CD38: variants seen among roughly 807,000 people sequenced by gnomAD.
CD38 encodes the protein CD38 molecule.
CD38 carries 31 observed loss-of-function variants against 36.3 expected under a neutral mutation model. The observed-to-expected ratio is 0.85, with a 90% CI of 0.64 to 1.15. CD38 has a LOEUF of 1.15. Ranked by LOEUF, CD38 falls within the 50% of genes most tolerant of loss-of-function variation. CD38 has a pLI of 0.00. For synonymous variants in CD38, 131 were observed against 135.2 expected (o/e 0.97, Z 0.22); for missense variants, 380 against 371.9 (o/e 1.02, Z -0.18).
chr4:15,841,965 C>T (rs1441254619), intron 7 of CD38, among the ~76,000 whole-genome samples: 8 of 137,964 alleles, frequency 5.8e-5, no homozygotes, highest in African/African-American at 8.9e-5. Context: ...AACTGCAAGG[C>T]GGCAACGAGG....
chr4:15,832,964 C>T (rs1723989120), intron 3 of CD38, among the ~76,000 whole-genome samples: 1 of 152,214 alleles, frequency 6.6e-6, no homozygotes, highest in Non-Finnish European at 1.5e-5. Context: ...CCCATGCTGT[C>T]TTCCCCTTTT....
chr4:15,792,789 CTGAG>C (rs766009948), intron 1 of CD38, among the ~76,000 whole-genome samples: 7 of 152,196 alleles, frequency 4.6e-5, no homozygotes, highest in East Asian at 1.9e-4. Flanking sequence ...CCTGACACAA[CTGAG>C]TAATTTTTCA....
At chr4:15,840,932 C>T (rs1339603916) in intron 7 of CD38, among the ~76,000 whole-genome samples, 1 of 152,042 alleles carries the variant, frequency 6.6e-6, no homozygotes, top group Non-Finnish European at 1.5e-5. Context: ...ATCCTTGTGA[C>T]TTGACATCAT....
rs140237964 is a variant in CD38 at position 15,840,491 on chromosome 4, G to A, written c.792G>A (p.Ser264=). The change falls in exon 7 of 8, where the codon TCG becomes TCA. Residue 264 remains serine, a synonymous_variant. Transcript: ENST00000226279. Reference sequence around the variant, plus strand: ...ATCCCACCATAAAAGAGCTGGAATCGATTATAAGCAAAAGGAATATTCAAT... The same window carrying A: ...ATCCCACCATAAAAGAGCTGGAATCAATTATAAGCAAAAGGAATATTCAAT... The part of the protein sequence containing the change: ...CQDPTIKELE[S]IISKRNIQFS... 5.6e-5 allele frequency: 90 copies of A among 1,606,160 alleles called. No homozygotes were observed. The African/African-American group carries it at 6.3e-4, about 11-fold the overall frequency.
intron 7 of CD38, among the ~76,000 whole-genome samples, chr4:15,841,948 G>A (rs985613914): frequency 3.7e-5 from 5 of 135,606 alleles, no homozygotes; most frequent in African/African-American, 1.5e-4. Context: ...ACAGCAGTCT[G>A]AGATCAAACT....
intron 1 of CD38, among the ~76,000 whole-genome samples, chr4:15,795,197 G>C (rs568201683): frequency 1.3e-5 from 2 of 151,994 alleles, no homozygotes; most frequent in Non-Finnish European, 2.9e-5. Flanking sequence ...CTCAACAATA[G>C]ATGAAATCAA....
intron 2 of CD38, 119 bp downstream of exon 2, chr4:15,816,759 G>C: frequency 9.1e-7 from 1 of 1,098,858 alleles, no homozygotes; most frequent in Non-Finnish European, 1.4e-6. Context: ...TATAGTGTGA[G>C]TGTGGTTGGT....
At chr4:15,792,948 T>TC in intron 1 of CD38, among the ~76,000 whole-genome samples, 1 of 152,294 alleles carries the variant, frequency 6.6e-6, no homozygotes, top group Admixed American at 6.5e-5. Context: ...ACCATTTCCC[T>TC]CCCCCATTTA....
At chr4:15,812,318 C>G (rs1723491538) in intron 1 of CD38, among the ~76,000 whole-genome samples, 1 of 152,176 alleles carries the variant, frequency 6.6e-6, no homozygotes, top group Non-Finnish European at 1.5e-5. Context: ...TAAACTGTCA[C>G]TATCTGCAAA....
rs1483060790 is a variant in CD38, at chr4:15,778,671, C to T, written c.233+24C>T. 8 of 1,518,500 alleles carry T rather than the reference C, an allele frequency of 5.3e-6. No individual in the cohort carries two copies. In the Admixed American group the frequency reaches 1.2e-4, roughly 22 times the overall value. 94.1% of individuals were successfully genotyped at this position (1,518,500 alleles called of 1,614,324 possible). ...AGGTGGGTTGGCGACTAAGGCGCAC[C>T]GGTGGGCACTGCGGGGACAGCAGGG... On this transcript the variant is annotated intron_variant, in intron 1 of 7. Transcript: ENST00000226279. The surrounding 1 kb of genome is among the most constrained non-coding windows in gnomAD (Gnocchi z 4.9).
Position 15,838,087 on chromosome 4 carries a change from T to A in CD38, c.586-5T>A. ...TGATGAATGGTGGGCATTTTTTTTT[T>A]TAAGTTTGCAGAAGCTGCCTGTGAT... On this transcript the variant is annotated splice_region_variant and splice_polypyrimidine_tract_variant and intron_variant, in intron 4 of 7. Transcript: ENST00000226279. 1.2e-6 allele frequency: 2 copies of A among 1,611,974 alleles called. No homozygotes were observed. Among genetic ancestry groups the A allele is most frequent in the Non-Finnish European group, 1.7e-6 (2 of 1,179,076 alleles).
At chr4:15,823,850 T>C (rs1560316142) in intron 2 of CD38, among the ~76,000 whole-genome samples, 1 of 152,264 alleles carries the variant, frequency 6.6e-6, no homozygotes, top group East Asian at 1.9e-4. Context: ...GATATGTGCA[T>C]GCATATGTTC....
At chr4:15,789,188 T>C (rs533549806) in intron 1 of CD38, among the ~76,000 whole-genome samples, 1 of 152,340 alleles carries the variant, frequency 6.6e-6, no homozygotes, top group African/African-American at 2.4e-5. Context: ...TAAATATGTA[T>C]TGAGCTCCTA....
At chr4:15,837,316 T>A (rs1724089668) in intron 4 of CD38, among the ~76,000 whole-genome samples, 1 of 152,210 alleles carries the variant, frequency 6.6e-6, no homozygotes, top group Non-Finnish European at 1.5e-5. Flanking sequence ...GACTTGTCCC[T>A]TTCTTTTTCT....
intron 1 of CD38, among the ~76,000 whole-genome samples, chr4:15,791,048 G>T (rs1674617348): frequency 7.2e-6 from 1 of 138,246 alleles, no homozygotes; most frequent in Non-Finnish European, 1.6e-5. Context: ...GGGAGGTGGG[G>T]GGGGGTCAGC....
chr4:15,817,523 T>C (rs1053754683), intron 2 of CD38, among the ~76,000 whole-genome samples: 4 of 152,258 alleles, frequency 2.6e-5, no homozygotes, highest in Admixed American at 2.6e-4. Context: ...GACTATGCGA[T>C]GGATAGTATG....
intron 6 of CD38, 35 bp downstream of exon 6, chr4:15,840,153 T>G: frequency 7.0e-7 from 1 of 1,427,578 alleles, no homozygotes; most frequent in Non-Finnish European, 9.9e-7. Flanking sequence ...AGTGTTATTT[T>G]ATGAATCAGT....
intron 3 of CD38, among the ~76,000 whole-genome samples, chr4:15,828,149 G>T (rs375201353): frequency 3.2e-4 from 49 of 152,086 alleles, no homozygotes; most frequent in Middle Eastern, 6.8e-3. Context: ...CAGGTAGCTG[G>T]GACTACAGGT....
At chr4:15,779,229 G>T (rs1291192405) in intron 1 of CD38, among the ~76,000 whole-genome samples, 3 of 152,088 alleles carry the variant, frequency 2.0e-5, no homozygotes, top group Non-Finnish European at 2.9e-5. Flanking sequence ...CTTTTTGCGC[G>T]GCCTGAAATG....
Sources: gnomAD v4.1 joint callset for allele counts (sites outside exome capture counted in the v4.1 genomes callset) on GRCh38, gnomAD v4.1.1 for gene constraint, Gnocchi (gnomAD v3.1) non-coding constraint, MANE v1.5 for transcripts, NCBI Gene and HGNC (gene_info 2026-07-23, HGNC 2026-07-21) for gene names.